Variants in HOMER1 observed in about 807,000 individuals in gnomAD.
The protein encoded by HOMER1 is homer scaffold protein 1, also known as homer protein homolog 1.
Under a neutral mutation model 48.9 loss-of-function variants are expected in HOMER1, and 3 were observed. That is an observed-to-expected ratio of 0.06 (90% CI 0.03 to 0.16). HOMER1 has a LOEUF of 0.16. Ranked by LOEUF, HOMER1 falls within the 10% of genes least tolerant of loss-of-function variation. HOMER1 has a pLI of 1.00. For synonymous variants in HOMER1, 134 were observed against 146.4 expected (o/e 0.92, Z 0.61); for missense variants, 247 against 411.4 (o/e 0.60, Z 3.46).
At chr5:79,436,341 T>C (rs960959369) in intron 5 of HOMER1, among the ~76,000 whole-genome samples, 1 of 152,204 alleles carries the variant, frequency 6.6e-6, no homozygotes, top group African/African-American at 2.4e-5. Context: ...GAACAGTTAC[T>C]AACTTCCTGA....
intron 4 of HOMER1, among the ~76,000 whole-genome samples, chr5:79,446,194 T>A (rs1055141777): frequency 6.6e-6 from 1 of 152,088 alleles, no homozygotes; most frequent in African/African-American, 2.4e-5. Flanking sequence ...GGAGACAATA[T>A]TCCTCTAACT....
intron 1 of HOMER1, among the ~76,000 whole-genome samples, chr5:79,498,196 T>G (rs1752479860): frequency 6.6e-6 from 1 of 151,762 alleles, no homozygotes; most frequent in Non-Finnish European, 1.5e-5. Context: ...AGGCCTGGAG[T>G]TCGAGACCAG....
rs182234106 is a variant in HOMER1, at chr5:79,406,511, G to C, written c.528-4456C>G. ...ACTTCTATCAGGTTCTCAGGAGAAA[G>C]ATTGGAGAGGCAGAGAGAGAGACTA... On this transcript the variant is annotated intron_variant, in intron 5 of 8. Coordinates refer to ENST00000334082, the MANE Select transcript of HOMER1 (RefSeq NM_004272.5). 2.3e-3 allele frequency among the ~76,000 whole-genome samples: 347 copies of C among 152,312 alleles called. 1 individual carries two copies. Among genetic ancestry groups the C allele is most frequent in the Admixed American group, 5.9e-3 (90 of 15,294 alleles).
chr5:79,426,517 A>C (rs1750259549), intron 5 of HOMER1, among the ~76,000 whole-genome samples: 1 of 152,000 alleles, frequency 6.6e-6, no homozygotes, highest in African/African-American at 2.4e-5. Flanking sequence ...GAACTAGAGA[A>C]CATTATGTTA....
intron 8 of HOMER1, among the ~76,000 whole-genome samples, chr5:79,390,013 C>T (rs1378392444): frequency 2.0e-5 from 3 of 152,116 alleles, no homozygotes; most frequent in East Asian, 1.9e-4. Context: ...AGGCCAGGCA[C>T]GGTGGCTCAT....
chr5:79,451,203 A>G, intron 2 of HOMER1, 82 bp from the exon 3 acceptor site: 1 of 1,422,472 alleles, frequency 7.0e-7, no homozygotes, highest in Non-Finnish European at 9.7e-7. Flanking sequence ...GTTACATAAA[A>G]GCTTAAGATT....
rs1361310497 is a variant in HOMER1, at chr5:79,467,997, C to A, written c.6-10979G>T. Among the ~76,000 whole-genome samples, 4 of 152,246 alleles carry A rather than the reference C, an allele frequency of 2.6e-5. No homozygotes were observed. The South Asian group carries it at 8.3e-4, about 32-fold the overall frequency. On this transcript the variant is annotated intron_variant, in intron 1 of 8. Coordinates refer to ENST00000334082, the MANE Select transcript of HOMER1 (RefSeq NM_004272.5). Reference sequence around the variant, plus strand: ...CACTGTTACCCATGCTGGTCTCAAACTCCTGGGCTCATGCGATCCTCTCAC... The same window carrying A: ...CACTGTTACCCATGCTGGTCTCAAAATCCTGGGCTCATGCGATCCTCTCAC...
intron 8 of HOMER1, among the ~76,000 whole-genome samples, chr5:79,383,791 A>T (rs1749040522): frequency 6.6e-6 from 1 of 152,192 alleles, no homozygotes; most frequent in Non-Finnish European, 1.5e-5. Context: ...TTAAAAATCG[A>T]AATCGTATTA....
At chr5:79,496,757 A>G (rs1257688367) in intron 1 of HOMER1, among the ~76,000 whole-genome samples, 1 of 152,176 alleles carries the variant, frequency 6.6e-6, no homozygotes, top group African/African-American at 2.4e-5. Context: ...CAAAAGAAAG[A>G]TAATTCCGCG....
chr5:79,436,958 T>C (rs957117633), intron 5 of HOMER1, among the ~76,000 whole-genome samples: 2 of 152,226 alleles, frequency 1.3e-5, no homozygotes, highest in East Asian at 1.9e-4. Context: ...AAAACTTAAA[T>C]TGACCTGTTA....
At chr5:79,467,764 C>T (rs1751512463) in intron 1 of HOMER1, among the ~76,000 whole-genome samples, 1 of 152,110 alleles carries the variant, frequency 6.6e-6, no homozygotes, top group African/African-American at 2.4e-5. Context: ...CCACATTTTA[C>T]TTTATATAAT....
chr5:79,480,961 A>T (rs185971640), intron 1 of HOMER1, among the ~76,000 whole-genome samples: 7 of 152,362 alleles, frequency 4.6e-5, no homozygotes, highest in Admixed American at 3.3e-4. Flanking sequence ...AAACAGGAGT[A>T]CAAAAAGATA....
intron 6 of HOMER1, among the ~76,000 whole-genome samples, chr5:79,401,528 C>A (rs1749537210): frequency 6.6e-6 from 1 of 152,122 alleles, no homozygotes; most frequent in Admixed American, 6.5e-5. Context: ...CCGTCAACAC[C>A]CAAAGCTAAA....
chr5:79,383,114 A>C (rs1749023584), intron 8 of HOMER1, among the ~76,000 whole-genome samples: 1 of 152,236 alleles, frequency 6.6e-6, no homozygotes, highest in Admixed American at 6.5e-5. Context: ...ACCTTAATCC[A>C]AAAACAGTAG....
chr5:79,460,832 G>T (rs900088678), intron 1 of HOMER1, among the ~76,000 whole-genome samples: 1 of 152,182 alleles, frequency 6.6e-6, no homozygotes, highest in Non-Finnish European at 1.5e-5. Context: ...ATTGTGCCAA[G>T]GTTGAGAACT....
chr5:79,407,647 CAAA>C (rs1344104828), intron 5 of HOMER1, among the ~76,000 whole-genome samples: 1 of 151,552 alleles, frequency 6.6e-6, no homozygotes. Context: ...AACTGAAACA[CAAA>C]GAGAAAAAAG....
intron 5 of HOMER1, among the ~76,000 whole-genome samples, chr5:79,427,720 TCCTTCCTTC>T (rs1750305155): frequency 8.2e-6 from 1 of 122,110 alleles, no homozygotes. Flanking sequence ...TTCCTTCCCT[TCCTTCCTTC>T]CCTTCCTTCC....
intron 3 of HOMER1, among the ~76,000 whole-genome samples, chr5:79,447,999 C>T (rs905984431): frequency 2.0e-5 from 3 of 152,112 alleles, no homozygotes; most frequent in African/African-American, 4.8e-5. Flanking sequence ...CCCTCATAAA[C>T]GAACTCTGAT....
intron 1 of HOMER1, among the ~76,000 whole-genome samples, chr5:79,487,284 G>T (rs977098791): frequency 3.9e-5 from 6 of 151,952 alleles, no homozygotes; most frequent in African/African-American, 1.5e-4. Context: ...TCTCAAAAAA[G>T]AAAGAAAGAA....
Sources: gnomAD v4.1 joint callset for allele counts (sites outside exome capture counted in the v4.1 genomes callset) on GRCh38, gnomAD v4.1.1 for gene constraint, MANE v1.5 for transcripts, NCBI Gene and HGNC (gene_info 2026-07-23, HGNC 2026-07-21) for gene names.